The following TCF12 variants were observed in gnomAD, a reference collection of about 807,000 sequenced individuals.
TCF12 encodes DNA-binding protein HTF4.
A neutral mutation model predicts 86.0 loss-of-function variants in TCF12; 45 were observed. The observed-to-expected ratio is 0.52, with a 90% CI of 0.41 to 0.67. The LOEUF (loss-of-function observed/expected upper bound fraction) is 0.67, where lower values mean the gene tolerates loss of function less well. Ranked by LOEUF, TCF12 falls within the 30% of genes least tolerant of loss-of-function variation. The pLI, the probability that TCF12 is intolerant of heterozygous loss-of-function variation, is 0.00. For synonymous variants in TCF12, 330 were observed against 299.6 expected, an observed-to-expected ratio of 1.10 and a Z score of -1.05; for missense variants, 881 against 859.9, an observed-to-expected ratio of 1.02 and a Z score of -0.31.
intron 12 of TCF12, among the ~76,000 whole-genome samples, chr15:57,241,710 T>C (rs1263213802): frequency 2.6e-5 from 4 of 152,098 alleles, no homozygotes; most frequent in Admixed American, 1.3e-4. Context: ...AAATGAAATC[T>C]GGTGGGCCGT....
At chr15:57,095,574 G>A (rs1202383027) in intron 5 of TCF12, among the ~76,000 whole-genome samples, 1 of 152,168 alleles carries the variant, frequency 6.6e-6, no homozygotes, top group Non-Finnish European at 1.5e-5. Context: ...GACTTAAGGT[G>A]TAAAATTATC....
At chr15:57,246,695 C>T (rs1327420710) in intron 13 of TCF12, among the ~76,000 whole-genome samples, 3 of 152,058 alleles carry the variant, frequency 2.0e-5, no homozygotes, top group Non-Finnish European at 4.4e-5. Context: ...GATGAAAGAC[C>T]TCAGGAATAT....
intron 7 of TCF12, among the ~76,000 whole-genome samples, chr15:57,196,154 A>G (rs1597232020): frequency 7.1e-6 from 1 of 141,812 alleles, no homozygotes; most frequent in Middle Eastern, 3.6e-3. Flanking sequence ...GGATTCAGCC[A>G]ACCACAGATA....
In TCF12 at chr15:57,243,844, T is replaced by C. The variant is rs1451354448; in HGVS notation, c.1114+294T>C. ...TAAGACCAGGCAATTGGAATGAAGA[T>C]AAAATATGGAGAAAGAATGAAATCA... On this transcript the variant is annotated intron_variant, in intron 13 of 20. Coordinates refer to ENST00000333725, the MANE Select transcript of TCF12 (RefSeq NM_207037.2). Among the ~76,000 whole-genome samples the C allele has an allele frequency of 2.0e-5, 3 of 152,186 alleles. No individual in the cohort carries two copies. The East Asian group carries it at 5.8e-4, about 29-fold the overall frequency.
intron 4 of TCF12, among the ~76,000 whole-genome samples, chr15:57,067,467 G>A (rs4559854): frequency 0.53 from 63,042 of 118,496 alleles, 13,871 homozygotes; most frequent in East Asian, 0.66. Context: ...GTGAACCCGG[G>A]AGGCGGAACT....
chr15:57,145,198 A>G (rs2099403161), intron 5 of TCF12, among the ~76,000 whole-genome samples: 4 of 152,170 alleles, frequency 2.6e-5, no homozygotes, highest in Admixed American at 2.6e-4. Context: ...TATTCTGTCC[A>G]TAGCTAATAT....
chr15:57,122,045 T>G (rs918160167), intron 5 of TCF12, among the ~76,000 whole-genome samples: 6 of 151,346 alleles, frequency 4.0e-5, no homozygotes, highest in Admixed American at 3.9e-4. Flanking sequence ...TATATGCTAT[T>G]CTATTTAAAA....
chr15:57,110,350 G>A (rs1288486621), intron 5 of TCF12, among the ~76,000 whole-genome samples: 5 of 152,086 alleles, frequency 3.3e-5, no homozygotes, highest in Non-Finnish European at 7.4e-5. Flanking sequence ...GAAAGCACTA[G>A]CAGAATAGAT....
At chr15:57,104,160 G>A (rs2049953163) in intron 5 of TCF12, among the ~76,000 whole-genome samples, 1 of 152,098 alleles carries the variant, frequency 6.6e-6, no homozygotes, top group Non-Finnish European at 1.5e-5. Context: ...TGGTCTGATT[G>A]GAAGTTAGTA....
chr15:56,977,221 T>G (rs1030215487), intron 3 of TCF12, among the ~76,000 whole-genome samples: 1 of 151,986 alleles, frequency 6.6e-6, no homozygotes, highest in Non-Finnish European at 1.5e-5. Flanking sequence ...GGGGGAAAAT[T>G]TTTTTGTTTG....
rs181982604 is a variant in TCF12 at position 57,236,255 on chromosome 15, A to G, written c.1035+2148A>G. Among the ~76,000 whole-genome samples, 143 of 152,138 alleles carry G rather than the reference A, an allele frequency of 9.4e-4. No individual in the cohort carries two copies. The Middle Eastern group carries it at 0.01, about 11-fold the overall frequency. The stretch of plus-strand genomic sequence containing the variant: ...CCTCCCCAAATACATTCTTTTTCCA[A>G]CTTTCCTTACAGACTCGCATTCACT... On this transcript the variant is annotated intron_variant, in intron 12 of 20. Coordinates refer to ENST00000333725, the MANE Select transcript of TCF12 (RefSeq NM_207037.2).
chr15:57,031,858 G>T (rs181528245), intron 3 of TCF12, among the ~76,000 whole-genome samples: 82 of 152,196 alleles, frequency 5.4e-4, no homozygotes, highest in Non-Finnish European at 8.8e-4. Context: ...TTACAACTTA[G>T]TCCCAGGCAA....
intron 3 of TCF12, among the ~76,000 whole-genome samples, chr15:56,970,905 T>G (rs561724902): frequency 6.7e-6 from 1 of 148,954 alleles, no homozygotes; most frequent in Admixed American, 6.7e-5. Flanking sequence ...AAAAAAAAAA[T>G]TAGCTGGGCA....
At chr15:57,033,243 A>T (rs2066311066) in intron 3 of TCF12, among the ~76,000 whole-genome samples, 2 of 152,094 alleles carry the variant, frequency 1.3e-5, no homozygotes, top group Admixed American at 6.5e-5. Context: ...TGATGCAAAA[A>T]ATATATATAT....
chr15:57,007,780 T>TTCTTTCTC lies in TCF12; in HGVS notation c.149-55963_149-55962insCTCTTTCT, dbSNP rs1196849056. Among the ~76,000 whole-genome samples the TTCTTTCTC allele has an allele frequency of 2.6e-3, 184 of 70,888 alleles. 3 individuals carry two copies. The highest frequency in any genetic ancestry group is 8.1e-3 in the African/African-American group (173 of 21,250). The allele number at this position is 70,888 out of a possible 152,430, so 46.5% of individuals were successfully genotyped here. ...CTTCTTTCTTTCTTTCTTTCTTTCT[T>TTCTTTCTC]TCTTTCTTTCTCTCTTTCTTTCTTT... On this transcript the variant is annotated intron_variant, in intron 3 of 20. Coordinates refer to ENST00000333725, the MANE Select transcript of TCF12 (RefSeq NM_207037.2).
At chr15:57,037,771 A>G (rs1413111482) in intron 3 of TCF12, among the ~76,000 whole-genome samples, 1 of 152,154 alleles carries the variant, frequency 6.6e-6, no homozygotes, top group African/African-American at 2.4e-5. Flanking sequence ...TATGTAGTTG[A>G]TCTTTCTCAC....
At chr15:57,217,077 C>A (rs2058362710) in intron 8 of TCF12, among the ~76,000 whole-genome samples, 1 of 151,898 alleles carries the variant, frequency 6.6e-6, no homozygotes, top group Non-Finnish European at 1.5e-5. Context: ...TTTGTATTGG[C>A]AGGGGAGGTC....
chr15:57,212,534 TC>T (rs1345513799), intron 8 of TCF12, among the ~76,000 whole-genome samples: 1 of 152,098 alleles, frequency 6.6e-6, no homozygotes, highest in African/African-American at 2.4e-5. Flanking sequence ...CACCTTGGCC[TC>T]CCAAAGTGGT....
At chr15:57,029,928 C>A (rs1449501932) in intron 3 of TCF12, among the ~76,000 whole-genome samples, 1 of 152,110 alleles carries the variant, frequency 6.6e-6, no homozygotes, top group African/African-American at 2.4e-5. Flanking sequence ...TCTTTTATTG[C>A]TGAGTGGTGT....
Sources: gnomAD v4.1 joint callset for allele counts (sites outside exome capture counted in the v4.1 genomes callset) on GRCh38, gnomAD v4.1.1 for gene constraint, MANE v1.5 for transcripts, NCBI Gene and HGNC (gene_info 2026-07-23, HGNC 2026-07-21) for gene names.